AIRE: variants seen among roughly 807,000 people sequenced by gnomAD.
The protein encoded by AIRE is autoimmune regulator.
A neutral mutation model predicts 62.1 loss-of-function variants in AIRE; 52 were observed. The observed-to-expected ratio is 0.84, with a 90% CI of 0.67 to 1.06. The LOEUF (loss-of-function observed/expected upper bound fraction) is 1.06. AIRE is among the 50% of genes least tolerant of loss of function. The pLI is 0.00. For synonymous variants in AIRE, 342 were observed against 321.6 expected (o/e 1.06, Z -0.68); for missense variants, 774 against 755.8 (o/e 1.02, Z -0.28).
At chr21:44,290,816 G>C (rs764595734) in intron 7 of AIRE, 66 of 1,547,642 alleles carry the variant, frequency 4.3e-5, no homozygotes, top group Non-Finnish European at 5.6e-5. Flanking sequence ...CATGTGGTTG[G>C]TGTACAGTTC....
At position 44,297,783 on chromosome 21, in the gene AIRE, C is replaced by A; in HGVS notation, c.*56C>A. ...GAGAGAGTGCTGAGAAGGACACCTC[C>A]TTCCTCAGTCCTGGAAGCCGGCCGG... On this transcript the variant is annotated 3_prime_UTR_variant, in exon 14 of 14. Coordinates refer to ENST00000291582, the MANE Select transcript of AIRE (RefSeq NM_000383.4). The surrounding 1 kb of genome is among the most constrained non-coding windows in gnomAD (Gnocchi z 4.8). The A allele has an allele frequency of 6.5e-7, 1 of 1,535,198 alleles. No homozygotes were observed. The highest frequency in any genetic ancestry group is 9.0e-7 in the Non-Finnish European group (1 of 1,112,864).
chr21:44,292,875 T>TGCCAGCCCTCCGCCCCCACCAA, intron 9 of AIRE, 118 bp from the exon 10 acceptor site: 6 of 851,574 alleles, frequency 7.0e-6, no homozygotes, highest in Non-Finnish European at 1.2e-5. Flanking sequence ...GCCCCCACCA[T>TGCCAGCCCTCCGCCCCCACCAA]GCCAGGCCTC....
Position 44,286,668 on chromosome 21 carries a change from T to C in AIRE, c.244T>C (p.Phe82Leu). ...TAILDFWRVL[F>L]KDYNLERYGR... Reference sequence around the variant, plus strand: ...CATCCTGGACTTCTGGAGGGTGCTGTTCAAGGACTACAACCTGGAGCGCTA... The same window carrying C: ...CATCCTGGACTTCTGGAGGGTGCTGCTCAAGGACTACAACCTGGAGCGCTA... Residue 82 changes from phenylalanine to leucine, a missense_variant, in exon 2 of 14, where the codon TTC (phenylalanine) becomes CTC (leucine). By Grantham distance (22) the Phe-to-Leu change is conservative. Around this residue, in one of 3 missense-constraint regions of AIRE, gnomAD observed 385 missense variants for 396.0 expected, o/e 0.97. Transcript: ENST00000291582. This position sits in a 1 kb window ranked among gnomAD's most constrained non-coding sequence, Gnocchi z 6.0. 2 of 1,613,036 alleles carry C rather than the reference T, an allele frequency of 1.2e-6. No individual in the cohort carries two copies. Among genetic ancestry groups the C allele is most frequent in the Non-Finnish European group, 1.7e-6 (2 of 1,179,978 alleles).
At position 44,292,390 on chromosome 21, in the gene AIRE, G is replaced by A. The variant is rs763954225; in HGVS notation, c.1084G>A (p.Val362Met). 15 of 1,554,142 alleles carry A rather than the reference G, an allele frequency of 9.7e-6. No homozygotes were observed. The highest frequency in any genetic ancestry group is 1.8e-4 in the Middle Eastern group (1 of 5,586). Residue 362 changes from valine to methionine, a missense_variant, in exon 9 of 14, where the codon GTG (valine) becomes ATG (methionine). This residue lies in a region of AIRE where 354 missense variants were observed against 296.1 expected (regional missense o/e 1.20). Transcript: ENST00000291582. ...AEEPRPQEPPVETPLPPGLRS... is the reference protein window; with the variant it reads ...AEEPRPQEPPMETPLPPGLRS... ...GGAGCCCCGGCCCCAGGAGCCACCC[G>A]TGGAGACCCCGGTATGGCCACGCCC... is the stretch of plus-strand genomic sequence containing the variant.
At chr21:44,288,119 C>T (rs1268621933) in intron 4 of AIRE, among the ~76,000 whole-genome samples, 3 of 120,952 alleles carry the variant, frequency 2.5e-5, no homozygotes, top group African/African-American at 1.1e-4. Flanking sequence ...GACACTGCCA[C>T]CCCCCAGCAC....
chr21:44,288,248 G>A (rs1191592676), intron 4 of AIRE, 97 bp from the exon 5 acceptor site: 1 of 1,036,436 alleles, frequency 9.6e-7, no homozygotes, highest in African/African-American at 1.6e-5. Context: ...TGGAAGGAAA[G>A]GGCTCTGCAG....
chr21:44,297,650 C>T lies in AIRE; in HGVS notation c.1567-6C>T. Reference sequence around the variant, plus strand: ...TGGAGGTTCTCACCGTCACTCTGTCCCGCAGCACACCTTCGATGGCATCCT... The same window carrying T: ...TGGAGGTTCTCACCGTCACTCTGTCTCGCAGCACACCTTCGATGGCATCCT... On this transcript the variant is annotated splice_region_variant and splice_polypyrimidine_tract_variant and intron_variant, in intron 13 of 13. Transcript: ENST00000291582. This position sits in a 1 kb window ranked among gnomAD's most constrained non-coding sequence, Gnocchi z 4.8. 6.2e-7 allele frequency: 1 copy of T among 1,611,166 alleles called. No homozygotes were observed. The highest frequency in any genetic ancestry group is 1.7e-5 in the Admixed American group (1 of 60,018).
intron 4 of AIRE, among the ~76,000 whole-genome samples, chr21:44,288,052 T>TG (rs1052221059): frequency 3.9e-5 from 6 of 152,228 alleles, no homozygotes; most frequent in Admixed American, 2.0e-4. Flanking sequence ...GCCCATGTCA[T>TG]GGGGGGGTGG....
rs1355341545 is a variant in AIRE at position 44,296,264 on chromosome 21, G to A, written c.1504-119G>A. 2.6e-5 allele frequency: 25 copies of A among 953,882 alleles called. 1 individual carries two copies. In the Admixed American group the frequency reaches 4.3e-4, roughly 16 times the overall value. 59.1% of individuals were successfully genotyped at this position (953,882 alleles called of 1,614,324 possible). ...GCCCCCACCCCCAGTGGAGCTGGGT[G>A]TAAGAATTCCCATCTCAGTGTGGGG... On this transcript the variant is annotated intron_variant, in intron 12 of 13. Coordinates refer to ENST00000291582, the MANE Select transcript of AIRE (RefSeq NM_000383.4).
Position 44,293,055 on chromosome 21 carries a change from C to A in AIRE, c.1158C>A (p.Ala386=), listed in dbSNP as rs199555518. Residue 386 remains alanine (A), a synonymous_variant, in exon 10 of 14, where the codon GCC becomes GCA. Transcript: ENST00000291582. ...EVRGPPGEPL[A]GMDTTLVYKH... ...GAGGTCCACCTGGGGAACCCCTAGC[C>A]GGCATGGACACGACTCTTGTCTACA... The A allele has an allele frequency of 8.7e-6, 14 of 1,612,540 alleles. No individual in the cohort carries two copies. The highest frequency in any genetic ancestry group is 1.0e-5 in the Non-Finnish European group (12 of 1,179,846).
At position 44,292,173 on chromosome 21, in the gene AIRE, C is replaced by T; in HGVS notation, c.996-129C>T. On this transcript the variant is annotated intron_variant, in intron 8 of 13. Coordinates refer to ENST00000291582, the MANE Select transcript of AIRE (RefSeq NM_000383.4). ...TCCCTTCCTGTGTCTCTGCCCATCT[C>T]TCTGCTGTGCCTCGGTTCCCCCTCT... The T allele has an allele frequency of 3.8e-6, 3 of 780,974 alleles. No homozygotes were observed. In the South Asian group the frequency reaches 4.4e-5, roughly 11 times the overall value. 48.4% of individuals were successfully genotyped at this position (780,974 alleles called of 1,614,324 possible).
chr21:44,286,458 G>T lies in AIRE; in HGVS notation c.133-99G>T. ...GCGTGGAGCTGTCCAGGTCGCCAGC[G>T]CCTCTGCCTGGGAGCTCCACCCTCT... On this transcript the variant is annotated intron_variant, in intron 1 of 13. Coordinates refer to ENST00000291582, the MANE Select transcript of AIRE (RefSeq NM_000383.4). This position sits in a 1 kb window ranked among gnomAD's most constrained non-coding sequence, Gnocchi z 6.0. 7.4e-7 allele frequency: 1 copy of T among 1,355,198 alleles called. No homozygotes were observed. The highest frequency in any genetic ancestry group is 1.5e-5 in the African/African-American group (1 of 68,760). 83.9% of individuals were successfully genotyped at this position (1,355,198 alleles called of 1,614,324 possible).
chr21:44,293,294 AG>A (rs1168411415), intron 10 of AIRE, 119 bp downstream of exon 10: 4 of 409,596 alleles, frequency 9.8e-6, no homozygotes, highest in Non-Finnish European at 1.3e-5. Flanking sequence ...CGGGAGGCAC[AG>A]GGCCTGGGGC....
At chr21:44,293,310 G>C (rs535682963) in intron 10 of AIRE, 135 bp downstream of exon 10, 31 of 812,086 alleles carry the variant, frequency 3.8e-5, no homozygotes, top group Admixed American at 1.2e-4. Flanking sequence ...TGGGGCTGTG[G>C]GGGGAGCGTG....
At chr21:44,290,231 T>G (rs1365580132) in intron 7 of AIRE, 163 bp downstream of exon 7, 7 of 984,298 alleles carry the variant, frequency 7.1e-6, no homozygotes, top group African/African-American at 7.0e-5. Context: ...ATTTTTTTCC[T>G]GATAATACGC....
In AIRE at chr21:44,296,394, C is replaced by T. The variant is rs1484575104; in HGVS notation, c.1515C>T (p.Ala505=). 1 of 1,612,394 alleles carries T rather than the reference C, an allele frequency of 6.2e-7. No homozygotes were observed. Among genetic ancestry groups the T allele is most frequent in the Non-Finnish European group, 8.5e-7 (1 of 1,179,744 alleles). ...TTACTGGGTTCCAGGATGACACTGC[C>T]AGTCACGAGCCCGCTCTGCACAGGG... is the stretch of plus-strand genomic sequence containing the variant. ...LAPGPAKDDT[A]SHEPALHRDD... The change falls in exon 13 of 14, where the codon GCC becomes GCT. Residue 505 remains alanine (A), a synonymous_variant. Transcript: ENST00000291582.
In AIRE at chr21:44,286,171, G is replaced by A. The variant is rs1335305251; in HGVS notation, c.132+33G>A. The A allele has an allele frequency of 8.2e-7, 1 of 1,215,836 alleles. No individual in the cohort carries two copies. The highest frequency in any genetic ancestry group is 1.7e-5 in the African/African-American group (1 of 59,822). 75.3% of individuals were successfully genotyped at this position (1,215,836 alleles called of 1,614,324 possible). A position where few individuals can be genotyped will look rare whatever the true frequency, so the allele number is the denominator to read the frequency against. ...CCCCGCCCGCCCCCCGCTGCCCCCA[G>A]GCCCTGTGAGCCAGGGATAGTCCCC... On this transcript the variant is annotated intron_variant, in intron 1 of 13. Transcript: ENST00000291582. The surrounding 1 kb of genome is among the most constrained non-coding windows in gnomAD (Gnocchi z 6.0).
intron 8 of AIRE, among the ~76,000 whole-genome samples, chr21:44,291,626 C>G (rs2040541250): frequency 6.6e-6 from 1 of 152,182 alleles, no homozygotes; most frequent in South Asian, 2.1e-4. Context: ...GGAGTTTGTC[C>G]ACCAATGCAC....
intron 12 of AIRE, among the ~76,000 whole-genome samples, chr21:44,296,035 G>A: frequency 6.6e-6 from 1 of 152,296 alleles, no homozygotes; most frequent in Admixed American, 6.5e-5. Flanking sequence ...CTTGTCGGGG[G>A]CGGGGGTGGC....
Sources: allele counts gnomAD v4.1 joint callset (sites outside exome capture counted in the v4.1 genomes callset), GRCh38; gene constraint gnomAD v4.1.1; regional missense constraint gnomAD v4.1.1; non-coding constraint Gnocchi (gnomAD v3.1); transcripts MANE v1.5; gene names NCBI Gene and HGNC (gene_info 2026-07-23, HGNC 2026-07-21).